PARN: variants seen among roughly 807,000 people sequenced by gnomAD.
PARN encodes the protein poly(A)-specific ribonuclease PARN.
PARN carries 71 observed loss-of-function variants against 102.8 expected under a neutral mutation model. The observed-to-expected ratio is 0.69, with a 90% CI of 0.57 to 0.84. The LOEUF (loss-of-function observed/expected upper bound fraction) is 0.84. Ranked by LOEUF, PARN falls within the 40% of genes least tolerant of loss-of-function variation. The pLI is 0.00. For missense variants in PARN, 782 were observed against 760.9 expected (o/e 1.03, Z -0.33); for synonymous variants, 261 against 252.9 (o/e 1.03, Z -0.30).
At chr16:14,599,035 T>C (rs969468367) in intron 12 of PARN, among the ~76,000 whole-genome samples, 2 of 140,678 alleles carry the variant, frequency 1.4e-5, no homozygotes. Context: ...CTTTCTCCTC[T>C]TCTTTTTTTT....
At chr16:14,536,917 C>G (rs1329052229) in intron 21 of PARN, among the ~76,000 whole-genome samples, 3 of 152,118 alleles carry the variant, frequency 2.0e-5, no homozygotes, top group Non-Finnish European at 4.4e-5. Context: ...CTTCGAAGCA[C>G]AGGCAACAAT....
intron 6 of PARN, among the ~76,000 whole-genome samples, chr16:14,615,067 A>C (rs1412624888): frequency 1.3e-5 from 2 of 151,956 alleles, no homozygotes; most frequent in Non-Finnish European, 2.9e-5. Context: ...AACTTGAGAG[A>C]AGACTGCCGT....
At chr16:14,491,501 T>C (rs1964055425) in intron 21 of PARN, among the ~76,000 whole-genome samples, 1 of 152,184 alleles carries the variant, frequency 6.6e-6, no homozygotes, top group Non-Finnish European at 1.5e-5. Context: ...TAGTGGCTCA[T>C]GCCTGTAAGC....
intron 18 of PARN, among the ~76,000 whole-genome samples, chr16:14,557,732 C>A (rs1967788308): frequency 6.6e-6 from 1 of 152,042 alleles, no homozygotes; most frequent in African/African-American, 2.4e-5. Flanking sequence ...GGCTAAGAAA[C>A]CAAATTTATT....
chr16:14,504,803 C>T (rs1428834501), intron 21 of PARN, among the ~76,000 whole-genome samples: 1 of 152,144 alleles, frequency 6.6e-6, no homozygotes, highest in East Asian at 1.9e-4. Flanking sequence ...AAAATCTTTG[C>T]CCTCCTAAGA....
At chr16:14,448,746 T>C (rs892165476) in intron 22 of PARN, among the ~76,000 whole-genome samples, 4 of 152,224 alleles carry the variant, frequency 2.6e-5, no homozygotes, top group Non-Finnish European at 5.9e-5. Context: ...ACTGCCTTCC[T>C]GGTGGTTCTC....
At chr16:14,497,865 T>C (rs1964395644) in intron 21 of PARN, among the ~76,000 whole-genome samples, 1 of 152,236 alleles carries the variant, frequency 6.6e-6, no homozygotes, top group South Asian at 2.1e-4. Flanking sequence ...GGCTCACACC[T>C]GTAACCCCAG....
intron 6 of PARN, among the ~76,000 whole-genome samples, chr16:14,613,644 A>G (rs1971672065): frequency 6.6e-6 from 1 of 152,196 alleles, no homozygotes; most frequent in African/African-American, 2.4e-5. Context: ...CAACAAAGCC[A>G]TGGGACACTA....
At position 14,602,980 on chromosome 16, in the gene PARN, T is replaced by C. The variant is rs566179227; in HGVS notation, c.783+1166A>G. Among the ~76,000 whole-genome samples the C allele has an allele frequency of 5.3e-5, 8 of 152,070 alleles. No individual in the cohort carries two copies. The East Asian group carries it at 1.4e-3, about 26-fold the overall frequency. ...CCCAAGCTAGAGTACAGTGGCATAA[T>C]CTCAACTCACTGCAACTGCAACCTC... On this transcript the variant is annotated intron_variant, in intron 11 of 23. Transcript: ENST00000437198.
intron 22 of PARN, among the ~76,000 whole-genome samples, chr16:14,457,442 T>C (rs1353936692): frequency 1.3e-5 from 2 of 152,154 alleles, no homozygotes; most frequent in East Asian, 1.9e-4. Context: ...CAACCTATGC[T>C]CAGTTCAGAA....
At chr16:14,612,972 T>C (rs1013131289) in intron 6 of PARN, among the ~76,000 whole-genome samples, 22 of 151,472 alleles carry the variant, frequency 1.5e-4, no homozygotes, top group African/African-American at 5.1e-4. Flanking sequence ...AAGAGAAAGG[T>C]GTTGAGATAT....
rs1971785817 is a variant in PARN, at chr16:14,614,868, A to G, written c.388+2722T>C. On this transcript the variant is annotated intron_variant, in intron 6 of 23. Transcript: ENST00000437198. ...TCTCAAAAAAAAAAAAAAAAAAAAA[A>G]AAAAAAAAAAGAAAAGAAAAGAAAA... is the stretch of plus-strand genomic sequence containing the variant. 3.3e-5 allele frequency among the ~76,000 whole-genome samples: 5 copies of G among 149,562 alleles called. 1 individual carries two copies. The South Asian group carries it at 1.0e-3, about 31-fold the overall frequency.
intron 12 of PARN, among the ~76,000 whole-genome samples, chr16:14,597,414 G>A (rs1428754066): frequency 3.3e-5 from 5 of 152,112 alleles, no homozygotes; most frequent in South Asian, 2.1e-4. Flanking sequence ...TCAACATCAC[G>A]GGCAGAGAAT....
chr16:14,630,081 CGGGGAGGT>C lies in PARN; in HGVS notation c.19+18_19+25del, dbSNP rs1972948496. 3 of 1,550,560 alleles carry C rather than the reference CGGGGAGGT, an allele frequency of 1.9e-6. No individual in the cohort carries two copies. The highest frequency in any genetic ancestry group is 2.6e-6 in the Non-Finnish European group (3 of 1,143,680). On this transcript the variant is annotated intron_variant, in intron 1 of 23. Transcript: ENST00000437198. ...CCAGGGGCAGCCGGGTGTGGGGAGG[CGGGGAGGT>C]GTACGGCGGACACGCACTGCTCCTG...
chr16:14,579,751 G>C (rs1423526269), intron 18 of PARN, among the ~76,000 whole-genome samples: 1 of 152,270 alleles, frequency 6.6e-6, no homozygotes, highest in African/African-American at 2.4e-5. Flanking sequence ...GAGGTGGGCA[G>C]ATAACCTGAG....
At chr16:14,477,459 C>A (rs1316536758) in intron 22 of PARN, among the ~76,000 whole-genome samples, 2 of 144,480 alleles carry the variant, frequency 1.4e-5, no homozygotes, top group East Asian at 4.2e-4. Context: ...AAAAACATAA[C>A]CCTGATACCA....
At chr16:14,458,208 A>T (rs933932121) in intron 22 of PARN, among the ~76,000 whole-genome samples, 1 of 152,204 alleles carries the variant, frequency 6.6e-6, no homozygotes, top group Admixed American at 6.5e-5. Flanking sequence ...AATGTAAAAT[A>T]TATTATCAAT....
At chr16:14,603,680 A>G (rs1185102278) in intron 11 of PARN, among the ~76,000 whole-genome samples, 1 of 152,134 alleles carries the variant, frequency 6.6e-6, no homozygotes, top group African/African-American at 2.4e-5. Flanking sequence ...CCACAGCTTA[A>G]CTAGTCTCCT....
chr16:14,553,962 T>G, intron 20 of PARN, 103 bp downstream of exon 20: 1 of 696,288 alleles, frequency 1.4e-6, no homozygotes, highest in Non-Finnish European at 2.5e-6. Context: ...CCTTGAATAT[T>G]AACATTCTTT....
Sources: allele counts gnomAD v4.1 joint callset (sites outside exome capture counted in the v4.1 genomes callset), GRCh38; gene constraint gnomAD v4.1.1; transcripts MANE v1.5; gene names NCBI Gene and HGNC (gene_info 2026-07-23, HGNC 2026-07-21).